Variants in ERAP1 observed in about 807,000 individuals in gnomAD.
The protein encoded by ERAP1 is adipocyte-derived leucine aminopeptidase.
In ERAP1, 86 loss-of-function variants were observed where a neutral mutation model predicts 103.7. The ratio of observed to expected loss-of-function variants is 0.83; its 90% CI spans 0.70 to 0.99. The LOEUF is 0.99. Ranked by LOEUF, ERAP1 falls within the 50% of genes least tolerant of loss-of-function variation. ERAP1 has a pLI of 0.00. For synonymous variants in ERAP1, 398 were observed against 402.4 expected (o/e 0.99, Z 0.13); for missense variants, 1,009 against 1,128.4 (o/e 0.89, Z 1.52).
the ERAP1 span, among the ~76,000 whole-genome samples, chr5:96,876,686 T>C: frequency 6.6e-6 from 1 of 152,170 alleles, no homozygotes; most frequent in South Asian, 2.1e-4. Context: ...TATTAGAAAG[T>C]GTATGCAGTT....
chr5:96,934,299 T>G, the ERAP1 span: 1 of 152,350 alleles, frequency 6.6e-6, no homozygotes, highest in South Asian at 2.1e-4. Context: ...GTGGCTATTT[T>G]AGATGTATGG....
intron 14 of ERAP1, among the ~76,000 whole-genome samples, chr5:96,783,562 GC>G (rs1775549677): frequency 6.6e-6 from 1 of 152,124 alleles, no homozygotes; most frequent in African/African-American, 2.4e-5. Flanking sequence ...AGGACATTTT[GC>G]CAAGCATAAC....
the ERAP1 span, chr5:96,879,673 G>A: frequency 6.2e-7 from 1 of 1,606,756 alleles, no homozygotes. Context: ...TTGTCTTCTA[G>A]AGAATAGATT....
At chr5:96,774,322 C>CATT (rs1390751121), downstream of ERAP1, 1 of 198,058 alleles carries the variant, frequency 5.0e-6, no homozygotes, top group African/African-American at 2.4e-5. Flanking sequence ...AAGTAAACAA[C>CATT]ATTTATTTAA....
chr5:96,823,779 A>T, the ERAP1 span, among the ~76,000 whole-genome samples: 1 of 152,158 alleles, frequency 6.6e-6, no homozygotes, highest in South Asian at 2.1e-4. Flanking sequence ...TCAACATACA[A>T]TTTTTTCCCT....
chr5:96,787,629 C>T (rs968426744), intron 11 of ERAP1, among the ~76,000 whole-genome samples: 2 of 151,898 alleles, frequency 1.3e-5, no homozygotes, highest in African/African-American at 4.8e-5. Flanking sequence ...AATCATGTCA[C>T]CAATTTACTG....
At chr5:96,862,049 T>C in the ERAP1 span, among the ~76,000 whole-genome samples, 2 of 152,212 alleles carry the variant, frequency 1.3e-5, no homozygotes, top group Non-Finnish European at 2.9e-5. Flanking sequence ...AGTGCAATCA[T>C]GGCTTACTGC....
At chr5:96,855,166 G>A in the ERAP1 span, among the ~76,000 whole-genome samples, 1 of 152,152 alleles carries the variant, frequency 6.6e-6, no homozygotes, top group African/African-American at 2.4e-5. Context: ...ACTGACCTCA[G>A]CCTCCTCTTT....
the ERAP1 span, chr5:96,896,479 T>C: frequency 6.2e-7 from 1 of 1,613,482 alleles, no homozygotes; most frequent in Non-Finnish European, 8.5e-7. Context: ...ATACAGGAAA[T>C]GTTTGATGAA....
Position 96,775,031 on chromosome 5 carries a change from A to G in ERAP1, c.*1365T>C. The G allele has an allele frequency of 1.0e-6, 1 of 984,438 alleles. No individual in the cohort carries two copies. Among genetic ancestry groups the G allele is most frequent in the Non-Finnish European group, 1.2e-6 (1 of 829,334 alleles). The allele number at this position is 984,438 out of a possible 1,614,324, so 61.0% of individuals were successfully genotyped here. On this transcript the variant is annotated 3_prime_UTR_variant, in exon 19 of 19. Coordinates refer to ENST00000443439, the MANE Select transcript of ERAP1 (RefSeq NM_001040458.3). ...TTTCCGCACCTTAGAGTCAGCGCAA[A>G]ACACGCTGCAACTTGAATCAAGTCA... is the stretch of plus-strand genomic sequence containing the variant.
At chr5:96,849,310 T>C in the ERAP1 span, among the ~76,000 whole-genome samples, 1 of 152,072 alleles carries the variant, frequency 6.6e-6, no homozygotes, top group Non-Finnish European at 1.5e-5. Flanking sequence ...CATCCAAATA[T>C]GAAACAATTA....
rs1381931168 is a variant in ERAP1, at chr5:96,800,951, G to T, written c.574C>A (p.Pro192Thr). The T allele has an allele frequency of 1.9e-6, 3 of 1,614,046 alleles. No homozygotes were observed. The African/African-American group carries it at 4.0e-5, about 22-fold the overall frequency. Residue 192 changes from proline (P) to threonine (T), a missense_variant, in exon 3 of 19, where the codon CCC becomes ACC. Pro to Thr is a conservative substitution (Grantham distance 38, BLOSUM62 -1). Coordinates refer to ENST00000443439, the MANE Select transcript of ERAP1 (RefSeq NM_001040458.3). Reference protein sequence around the residue: ...FEPTAARMAFPCFDEPAFKAS... With the variant: ...FEPTAARMAFTCFDEPAFKAS... ...TTGAAGGCAGGTTCATCAAAGCAGG[G>T]AAAGGCCATTCTAGCTGCAGTGGGT...
At chr5:96,896,742 T>A in the ERAP1 span, 1 of 1,579,054 alleles carries the variant, frequency 6.3e-7, no homozygotes, top group Non-Finnish European at 8.5e-7. Context: ...GGAGCTTGTA[T>A]TTTGAATATG....
chr5:96,809,150 C>T (rs1296389746), upstream of ERAP1, among the ~76,000 whole-genome samples: 1 of 152,226 alleles, frequency 6.6e-6, no homozygotes, highest in Non-Finnish European at 1.5e-5. Context: ...AGAGGACACT[C>T]TCATTGCCAT....
At chr5:96,786,116 A>C in intron 12 of ERAP1, 145 bp from the exon 13 acceptor site, 4 of 748,844 alleles carry the variant, frequency 5.3e-6, no homozygotes, top group Non-Finnish European at 9.0e-6. Flanking sequence ...GAAACCAGAA[A>C]ACAGCAACTC....
At chr5:96,768,072 T>G (rs1770668633) in intron 19 of ERAP1, 1 of 966,212 alleles carries the variant, frequency 1.0e-6, no homozygotes, top group Non-Finnish European at 1.7e-6. Flanking sequence ...AAGTTTTATT[T>G]ATTGATTGAT....
the ERAP1 span, among the ~76,000 whole-genome samples, chr5:96,851,671 A>C: frequency 6.6e-6 from 1 of 152,186 alleles, no homozygotes; most frequent in Non-Finnish European, 1.5e-5. Context: ...GACAGGGAAA[A>C]CAGTCTCAAT....
At chr5:96,896,735 G>A in the ERAP1 span, 8 of 1,571,166 alleles carry the variant, frequency 5.1e-6, no homozygotes, top group Non-Finnish European at 6.9e-6. Context: ...TTTAAAGGGA[G>A]CTTGTATTTT....
chr5:96,763,365 CATGTGCATGTGT>C (rs1411177104), intron 19 of ERAP1: 3 of 713,022 alleles, frequency 4.2e-6, no homozygotes, highest in Admixed American at 4.0e-5. Context: ...TGTGCATGTG[CATGTGCATGTGT>C]GTATGTAAAC....
Sources: allele counts gnomAD v4.1 joint callset (sites outside exome capture counted in the v4.1 genomes callset), GRCh38; gene constraint gnomAD v4.1.1; transcripts MANE v1.5; gene names NCBI Gene and HGNC (gene_info 2026-07-23, HGNC 2026-07-21).